Variants in ACSL3 observed in about 807,000 individuals in gnomAD.
ACSL3 encodes the protein acyl-CoA synthetase long chain family member 3.
A neutral mutation model predicts 84.7 loss-of-function variants in ACSL3; 34 were observed. The ratio of observed to expected loss-of-function variants is 0.40; its 90% confidence interval spans 0.31 to 0.53. The LOEUF (loss-of-function observed/expected upper bound fraction) is 0.53. Among genes scored for constraint, ACSL3 ranks in the 20% least tolerant of loss-of-function variants. The probability of loss-of-function intolerance (pLI) is 0.48; values close to 1 mark genes in which losing one functional copy is unlikely to be tolerated. For synonymous variants in ACSL3, 315 were observed against 299.4 expected, an observed-to-expected ratio of 1.05 and a Z score of -0.54; for missense variants, 680 against 873.1, an observed-to-expected ratio of 0.78 and a Z score of 2.79.
chr2:222,918,142 A>G lies in ACSL3; in HGVS notation c.653A>G (p.Gln218Arg). The change falls in exon 6 of 17, where the codon CAA becomes CGA. Residue 218 changes from glutamine to arginine, a missense_variant. By Grantham distance (43) the Gln-to-Arg change is conservative. Around this residue, in one of 2 missense-constraint regions of ACSL3, gnomAD observed 333 missense variants for 347.5 expected, o/e 0.96. Coordinates refer to ENST00000357430, the MANE Select transcript of ACSL3 (RefSeq NM_004457.5). ...ATCATTACTAGTAAAGAACTCTTAC[A>G]AACAAAGTTGAAGGTGAGGACTCTA... ...TNIITSKELL[Q>R]TKLKDIVSLV... 1 of 1,609,044 alleles carries G rather than the reference A, an allele frequency of 6.2e-7. No individual in the cohort carries two copies. Among genetic ancestry groups the G allele is most frequent in the Non-Finnish European group, 8.5e-7 (1 of 1,176,402 alleles).
At chr2:222,863,312 T>C (rs1300564572) in intron 1 of ACSL3, among the ~76,000 whole-genome samples, 1 of 152,230 alleles carries the variant, frequency 6.6e-6, no homozygotes, top group Admixed American at 6.5e-5. Flanking sequence ...GAGATTTTGC[T>C]AGAGGACAGT....
intron 16 of ACSL3, among the ~76,000 whole-genome samples, chr2:222,941,236 C>G (rs1047198194): frequency 6.6e-6 from 1 of 152,100 alleles, no homozygotes; most frequent in Non-Finnish European, 1.5e-5. Context: ...GGCTCTAACT[C>G]GTTTTCAATG....
intron 1 of ACSL3, among the ~76,000 whole-genome samples, chr2:222,871,980 T>C (rs955818888): frequency 7.9e-5 from 12 of 152,114 alleles, no homozygotes; most frequent in Admixed American, 5.2e-4. Context: ...CCCTTGTTTT[T>C]GGTGAACATA....
rs959807635 is a variant in ACSL3 at position 222,933,298 on chromosome 2, A to G, written c.1847+18A>G. Reference sequence around the variant, plus strand: ...GCAAACAGGTAAGAACGTGGAATTCATACTACTTTTACTTAAAATATTTGA... The same window carrying G: ...GCAAACAGGTAAGAACGTGGAATTCGTACTACTTTTACTTAAAATATTTGA... On this transcript the variant is annotated intron_variant, in intron 15 of 16. Transcript: ENST00000357430. 3.2e-6 allele frequency: 5 copies of G among 1,542,252 alleles called. No individual in the cohort carries two copies. The highest frequency in any genetic ancestry group is 2.3e-5 in the South Asian group (2 of 87,530).
At chr2:222,873,021 A>T (rs965122384) in intron 1 of ACSL3, among the ~76,000 whole-genome samples, 2 of 152,216 alleles carry the variant, frequency 1.3e-5, no homozygotes, top group African/African-American at 4.8e-5. Context: ...GACTGGGAAG[A>T]TGAGGGAACT....
intron 15 of ACSL3, among the ~76,000 whole-genome samples, chr2:222,934,061 C>T (rs768670486): frequency 6.6e-5 from 10 of 152,014 alleles, no homozygotes; most frequent in Non-Finnish European, 1.0e-4. Flanking sequence ...GTCAGAGTTC[C>T]TCTATCAATA....
At chr2:222,885,823 A>G (rs1559281916) in intron 1 of ACSL3, among the ~76,000 whole-genome samples, 1 of 152,000 alleles carries the variant, frequency 6.6e-6, no homozygotes, top group Admixed American at 6.6e-5. Flanking sequence ...GCTTAACGCA[A>G]CCTCTGCCTC....
intron 2 of ACSL3, among the ~76,000 whole-genome samples, chr2:222,888,895 C>T (rs1448900356): frequency 6.6e-6 from 1 of 152,196 alleles, no homozygotes; most frequent in Non-Finnish European, 1.5e-5. Flanking sequence ...TTAGACATGT[C>T]TGTGCCTGCG....
intron 4 of ACSL3, among the ~76,000 whole-genome samples, chr2:222,912,404 CT>C (rs1207805462): frequency 6.6e-6 from 1 of 152,216 alleles, no homozygotes; most frequent in Non-Finnish European, 1.5e-5. Flanking sequence ...ACTTTCACAA[CT>C]GGTGGGTTAA....
intron 1 of ACSL3, among the ~76,000 whole-genome samples, chr2:222,867,169 G>A (rs1001566437): frequency 7.2e-5 from 11 of 152,002 alleles, no homozygotes; most frequent in Non-Finnish European, 1.6e-4. Flanking sequence ...TAATTCCTCA[G>A]GATGCTTTCC....
chr2:222,916,237 C>T (rs1696577815), intron 4 of ACSL3, 82 bp from the exon 5 acceptor site: 2 of 912,478 alleles, frequency 2.2e-6, no homozygotes, highest in Non-Finnish European at 3.0e-6. Context: ...TCTGGTTCAT[C>T]ATAACATTTG....
At position 222,918,178 on chromosome 2, in the gene ACSL3, A is replaced by G. The variant is rs758450521; in HGVS notation, c.666+23A>G. Reference sequence around the variant, plus strand: ...AAGGTGAGGACTCTAGTTACTTTCTAACTGTCTGATACTTTAGAATTTTCA... The same window carrying G: ...AAGGTGAGGACTCTAGTTACTTTCTGACTGTCTGATACTTTAGAATTTTCA... On this transcript the variant is annotated intron_variant, in intron 6 of 16. Coordinates refer to ENST00000357430, the MANE Select transcript of ACSL3 (RefSeq NM_004457.5). The G allele has an allele frequency of 8.6e-5, 129 of 1,505,990 alleles. No homozygotes were observed. In the Middle Eastern group the frequency reaches 1.6e-3, roughly 18 times the overall value. 93.3% of individuals were successfully genotyped at this position (1,505,990 alleles called of 1,614,324 possible).
intron 11 of ACSL3, 79 bp from the exon 12 acceptor site, chr2:222,926,926 CTCTCATATCAAA>C: frequency 7.3e-7 from 1 of 1,364,326 alleles, no homozygotes. Context: ...ATCTCAAAAT[CTCTCATATCAAA>C]ACTGGGGGAT....
chr2:222,919,218 C>G lies in ACSL3; in HGVS notation c.805+16C>G, dbSNP rs746647106. 6 of 1,613,164 alleles carry G rather than the reference C, an allele frequency of 3.7e-6. No homozygotes were observed. In the South Asian group the frequency reaches 6.6e-5, roughly 18 times the overall value. On this transcript the variant is annotated intron_variant, in intron 7 of 16. Transcript: ENST00000357430. The stretch of plus-strand genomic sequence containing the variant: ...GCCAGCATGGGTATGTTACACTTTT[C>G]TAATTCCTTACCTGTGCTTTCTGGT...
chr2:222,863,050 C>T (rs897819510), intron 1 of ACSL3, among the ~76,000 whole-genome samples: 5 of 152,092 alleles, frequency 3.3e-5, no homozygotes, highest in Admixed American at 3.3e-4. Context: ...TGTTTCATTC[C>T]TCATTTGATT....
rs1363967480 is a variant in ACSL3 at position 222,942,827 on chromosome 2, AC to A, written c.*1175del. 9.1e-6 allele frequency: 2 copies of A among 220,310 alleles called. No homozygotes were observed. The highest frequency in any genetic ancestry group is 1.4e-3 in the Middle Eastern group (1 of 734). The allele number at this position is 220,310 out of a possible 1,614,324, so 13.6% of individuals were successfully genotyped here. A position where few individuals can be genotyped will look rare whatever the true frequency, so the allele number is the denominator to read the frequency against. On this transcript the variant is annotated 3_prime_UTR_variant, in exon 17 of 17. Transcript: ENST00000357430. ...AGACACATGAGAATTTAACTTTATAACCGCGTGAGTTAAGATTTAATTCATA... is the reference window on the plus strand; with the variant it reads ...AGACACATGAGAATTTAACTTTATAACGCGTGAGTTAAGATTTAATTCATA...
chr2:222,928,490 A>G lies in ACSL3; in HGVS notation c.1466-372A>G, dbSNP rs568572678. Among the ~76,000 whole-genome samples, 25 of 152,298 alleles carry G rather than the reference A, an allele frequency of 1.6e-4. No individual in the cohort carries two copies. The South Asian group carries it at 5.0e-3, about 30-fold the overall frequency. On this transcript the variant is annotated intron_variant, in intron 12 of 16. Transcript: ENST00000357430. ...GTCAAGTGGGCCCTAATGTAAGACA[A>G]TGTGATGGGTAAGGATTGATTCTGA...
rs548438324 is a variant in ACSL3, at chr2:222,924,325, A to G, written c.1153-131A>G. On this transcript the variant is annotated intron_variant, in intron 10 of 16. Transcript: ENST00000357430. ...CAAAAGGTTTTTTCCTTCTTGCTGAATCACATCCACAGTTGAAGAGTACTT... is the reference window on the plus strand; with the variant it reads ...CAAAAGGTTTTTTCCTTCTTGCTGAGTCACATCCACAGTTGAAGAGTACTT... 3.9e-6 allele frequency: 3 copies of G among 770,988 alleles called. No individual in the cohort carries two copies. The East Asian group carries it at 1.0e-4, about 26-fold the overall frequency. 47.8% of individuals were successfully genotyped at this position (770,988 alleles called of 1,614,324 possible). A position where few individuals can be genotyped will look rare whatever the true frequency, so the allele number is the denominator to read the frequency against.
At chr2:222,887,926 T>C (rs1456465475) in intron 2 of ACSL3, 38 bp downstream of exon 2, 1 of 152,244 alleles carries the variant, frequency 6.6e-6, no homozygotes, top group East Asian at 1.9e-4. Context: ...AGATTTCTTT[T>C]ATTTGTTATA....
Sources: allele counts gnomAD v4.1 joint callset (sites outside exome capture counted in the v4.1 genomes callset), GRCh38; gene constraint gnomAD v4.1.1; regional missense constraint gnomAD v4.1.1; transcripts MANE v1.5; gene names NCBI Gene and HGNC (gene_info 2026-07-23, HGNC 2026-07-21).